MGMT: variants seen among roughly 807,000 people sequenced by gnomAD.
MGMT encodes the protein O-6-methylguanine-DNA methyltransferase.
In MGMT, 14 loss-of-function variants were observed where a neutral mutation model predicts 15.9. The observed-to-expected ratio is 0.88, with a 90% confidence interval of 0.58 to 1.37. The LOEUF is 1.37. MGMT is among the 40% of genes most tolerant of loss of function. MGMT has a pLI of 0.00. For missense variants in MGMT, 282 were observed against 268.1 expected (o/e 1.05, Z -0.36); for synonymous variants, 130 against 118.2 (o/e 1.10, Z -0.65).
chr10:129,521,957 G>A (rs564013273), intron 1 of MGMT, among the ~76,000 whole-genome samples: 2 of 152,378 alleles, frequency 1.3e-5, no homozygotes, highest in Admixed American at 1.3e-4. Flanking sequence ...TGCCGGTGCA[G>A]GGCACGCAGG....
intron 1 of MGMT, among the ~76,000 whole-genome samples, chr10:129,475,689 A>G (rs905970265): frequency 1.3e-5 from 2 of 152,194 alleles, no homozygotes; most frequent in African/African-American, 4.8e-5. Context: ...GTCAGCCTCC[A>G]GCCCAGGCCA....
intron 2 of MGMT, among the ~76,000 whole-genome samples, chr10:129,617,542 A>T (rs1289898355): frequency 6.6e-6 from 1 of 152,106 alleles, no homozygotes; most frequent in Non-Finnish European, 1.5e-5. Flanking sequence ...TTACATTCCC[A>T]CCAAGAGCGT....
intron 3 of MGMT, among the ~76,000 whole-genome samples, chr10:129,738,262 C>T (rs541828305): frequency 2.6e-5 from 4 of 152,326 alleles, no homozygotes; most frequent in South Asian, 2.1e-4. Context: ...CCTGGTGCGC[C>T]GTTTTTTAAG....
At chr10:129,762,278 A>G (rs530421146) in intron 4 of MGMT, among the ~76,000 whole-genome samples, 1 of 152,214 alleles carries the variant, frequency 6.6e-6, no homozygotes, top group South Asian at 2.1e-4. Context: ...ATGGACTTGG[A>G]ATGTTAGAAA....
In MGMT at chr10:129,657,452, G is replaced by A. The variant is rs184189748; in HGVS notation, c.126-50443G>A. On this transcript the variant is annotated intron_variant, in intron 2 of 4. Coordinates refer to ENST00000651593, the MANE Select transcript of MGMT (RefSeq NM_002412.5). ...CAAAACAGATAAACCCTGCCCTGAG[G>A]CGCCCCTTGTCTTGTCTGGGGGTGG... Among the ~76,000 whole-genome samples the A allele has an allele frequency of 4.5e-4, 68 of 151,866 alleles. 1 individual carries two copies. Among genetic ancestry groups the A allele is most frequent in the Admixed American group, 2.5e-3 (38 of 15,256 alleles).
intron 2 of MGMT, among the ~76,000 whole-genome samples, chr10:129,622,088 C>T (rs1441766930): frequency 6.6e-6 from 1 of 152,114 alleles, no homozygotes; most frequent in Non-Finnish European, 1.5e-5. Flanking sequence ...CTGTTTCTTC[C>T]TCTGGAGTGG....
rs574966889 is a variant in MGMT, at chr10:129,482,984, C to T, written c.-13+15688C>T. Among the ~76,000 whole-genome samples the T allele has an allele frequency of 1.3e-4, 20 of 152,258 alleles. No individual in the cohort carries two copies. The South Asian group carries it at 2.7e-3, about 21-fold the overall frequency. On this transcript the variant is annotated intron_variant, in intron 1 of 4. Transcript: ENST00000651593. ...TTCTTTTTGCCCTTCCTCCATCTTC[C>T]GTAGCTTCTTTTCAGTTATTTGGAT...
chr10:129,599,951 T>A (rs970927985), intron 2 of MGMT, among the ~76,000 whole-genome samples: 4 of 151,856 alleles, frequency 2.6e-5, no homozygotes, highest in African/African-American at 9.7e-5. Flanking sequence ...TCTTTCTAGA[T>A]GCCTGTTGTT....
intron 2 of MGMT, chr10:129,536,617 C>A: frequency 2.3e-6 from 1 of 431,136 alleles, no homozygotes. Flanking sequence ...CCTTCATACC[C>A]TTTCATTAGT....
rs1318001169 is a variant in MGMT, at chr10:129,487,901, T to TAC, written c.-13+20606_-13+20607dup. Among the ~76,000 whole-genome samples, 8 of 148,060 alleles carry TAC rather than the reference T, an allele frequency of 5.4e-5. 1 individual carries two copies. In the South Asian group the frequency reaches 1.6e-3, roughly 29 times the overall value. ...GAGAGACTGTGTGTGTGTATATATA[T>TAC]ACCATATAGGGGTGTGTGTGTGTGT... On this transcript the variant is annotated intron_variant, in intron 1 of 4. Coordinates refer to ENST00000651593, the MANE Select transcript of MGMT (RefSeq NM_002412.5).
intron 2 of MGMT, among the ~76,000 whole-genome samples, chr10:129,618,236 C>T (rs921288832): frequency 6.6e-6 from 1 of 152,022 alleles, no homozygotes; most frequent in African/African-American, 2.4e-5. Flanking sequence ...CATTATTTAC[C>T]TGAGACATAA....
intron 2 of MGMT, among the ~76,000 whole-genome samples, chr10:129,576,516 G>A (rs1010564345): frequency 1.3e-5 from 2 of 152,172 alleles, no homozygotes; most frequent in East Asian, 3.9e-4. Context: ...CAATAAGTTA[G>A]GTATTGATGG....
intron 2 of MGMT, among the ~76,000 whole-genome samples, chr10:129,589,439 G>A (rs1422534264): frequency 6.6e-6 from 1 of 152,236 alleles, no homozygotes; most frequent in Admixed American, 6.5e-5. Flanking sequence ...GGCAAACTCA[G>A]GTCGAATTTG....
At chr10:129,569,104 C>T (rs10466114) in intron 2 of MGMT, among the ~76,000 whole-genome samples, 36,159 of 152,168 alleles carry the variant, frequency 0.24, 4,783 homozygotes, top group Non-Finnish European at 0.3. Context: ...CACTCCGGCT[C>T]GGCCACTTAC....
intron 2 of MGMT, among the ~76,000 whole-genome samples, chr10:129,621,181 T>A (rs112573496): frequency 6.6e-6 from 1 of 152,258 alleles, no homozygotes; most frequent in Non-Finnish European, 1.5e-5. Flanking sequence ...CTGGGCAGGG[T>A]GACTGTAGGG....
chr10:129,748,665 C>T (rs910613899), intron 3 of MGMT, among the ~76,000 whole-genome samples: 4 of 152,150 alleles, frequency 2.6e-5, no homozygotes, highest in Admixed American at 2.0e-4. Flanking sequence ...TGTATACTAA[C>T]CCACGGACAG....
At chr10:129,485,840 G>C (rs1845402996) in intron 1 of MGMT, among the ~76,000 whole-genome samples, 1 of 152,334 alleles carries the variant, frequency 6.6e-6, no homozygotes, top group Admixed American at 6.5e-5. Flanking sequence ...GCTGTTACCA[G>C]ACTGAGATTG....
At chr10:129,703,200 G>A (rs1362836537) in intron 2 of MGMT, among the ~76,000 whole-genome samples, 2 of 152,178 alleles carry the variant, frequency 1.3e-5, no homozygotes. Context: ...GAGTAAATCA[G>A]AGGTTGAGAT....
chr10:129,667,824 T>C (rs1298393095), intron 2 of MGMT, among the ~76,000 whole-genome samples: 1 of 152,252 alleles, frequency 6.6e-6, no homozygotes, highest in Non-Finnish European at 1.5e-5. Context: ...CATTGTGGTT[T>C]TAATTTTCAT....
Sources: allele counts gnomAD v4.1 joint callset (sites outside exome capture counted in the v4.1 genomes callset), GRCh38; gene constraint gnomAD v4.1.1; transcripts MANE v1.5; gene names NCBI Gene and HGNC (gene_info 2026-07-23, HGNC 2026-07-21).